The following GBE1 variants were observed in gnomAD, a reference collection of about 807,000 sequenced individuals.
GBE1 encodes 1,4-alpha-glucan branching enzyme 1.
GBE1 carries 70 observed loss-of-function variants against 88.8 expected under a neutral mutation model. The ratio of observed to expected loss-of-function variants is 0.79; its 90% CI spans 0.65 to 0.96. The LOEUF (loss-of-function observed/expected upper bound fraction) is 0.96, where lower values mean the gene tolerates loss of function less well. Ranked by LOEUF, GBE1 falls within the 40% of genes least tolerant of loss-of-function variation. GBE1 has a pLI of 0.00. For synonymous variants in GBE1, 284 were observed against 300.1 expected (o/e 0.95, Z 0.56); for missense variants, 872 against 871.0 (o/e 1.00, Z -0.01).
intron 2 of GBE1, among the ~76,000 whole-genome samples, chr3:81,697,716 G>A (rs1705621046): frequency 6.6e-6 from 1 of 152,050 alleles, no homozygotes; most frequent in Non-Finnish European, 1.5e-5. Context: ...TTCCCCCAGG[G>A]TATGAGGCAG....
intron 7 of GBE1, among the ~76,000 whole-genome samples, chr3:81,607,355 C>T (rs1437659300): frequency 6.6e-6 from 1 of 152,032 alleles, no homozygotes; most frequent in Non-Finnish European, 1.5e-5. Context: ...TCAGGACCAT[C>T]CTGGCCCACA....
chr3:81,546,056 C>T (rs1703201173), intron 12 of GBE1, among the ~76,000 whole-genome samples: 1 of 152,008 alleles, frequency 6.6e-6, no homozygotes, highest in Non-Finnish European at 1.5e-5. Context: ...TAATCTCTTA[C>T]TCTGCATAAT....
chr3:81,677,464 C>T (rs952802351), intron 2 of GBE1, among the ~76,000 whole-genome samples: 19 of 152,140 alleles, frequency 1.2e-4, no homozygotes, highest in African/African-American at 4.1e-4. Flanking sequence ...CATATGATGT[C>T]ATTTAATTAC....
chr3:81,724,128 C>A (rs1325875711), intron 1 of GBE1, among the ~76,000 whole-genome samples: 1 of 152,158 alleles, frequency 6.6e-6, no homozygotes, highest in African/African-American at 2.4e-5. Context: ...TTTTTCTCCA[C>A]AAGACTCCAT....
At chr3:81,504,971 C>T (rs1702634941) in intron 14 of GBE1, among the ~76,000 whole-genome samples, 1 of 152,138 alleles carries the variant, frequency 6.6e-6, no homozygotes, top group Admixed American at 6.6e-5. Context: ...GAAGAGTTCT[C>T]CAGTGACTAG....
At chr3:81,623,226 A>G (rs1377791155) in intron 7 of GBE1, among the ~76,000 whole-genome samples, 1 of 151,990 alleles carries the variant, frequency 6.6e-6, no homozygotes, top group Non-Finnish European at 1.5e-5. Flanking sequence ...ACCAATCTAC[A>G]TCTCCCTGGC....
intron 14 of GBE1, among the ~76,000 whole-genome samples, chr3:81,527,159 C>T (rs1576133188): frequency 6.6e-6 from 1 of 152,112 alleles, no homozygotes; most frequent in South Asian, 2.1e-4. Flanking sequence ...GGAAAACTGG[C>T]TAGCCATATG....
At chr3:81,717,273 C>CT (rs768341117) in intron 1 of GBE1, among the ~76,000 whole-genome samples, 1 of 152,164 alleles carries the variant, frequency 6.6e-6, no homozygotes, top group African/African-American at 2.4e-5. Flanking sequence ...TCAGGTTTCT[C>CT]TTTTTGGAAA....
chr3:81,520,632 T>C (rs1702859684), intron 14 of GBE1, among the ~76,000 whole-genome samples: 1 of 151,604 alleles, frequency 6.6e-6, no homozygotes, highest in Admixed American at 6.6e-5. Flanking sequence ...AGCTAAACAA[T>C]GTGAAAACTT....
intron 2 of GBE1, among the ~76,000 whole-genome samples, chr3:81,695,936 A>AG (rs929562403): frequency 6.6e-6 from 1 of 152,164 alleles, no homozygotes; most frequent in Non-Finnish European, 1.5e-5. Flanking sequence ...CCCTAATGAG[A>AG]GGGGGGTCTC....
intron 1 of GBE1, among the ~76,000 whole-genome samples, chr3:81,713,935 A>G (rs1705906030): frequency 1.3e-5 from 2 of 152,196 alleles, no homozygotes; most frequent in South Asian, 4.1e-4. Context: ...AGTCACTGAG[A>G]ATATAGAGAT....
intron 12 of GBE1, among the ~76,000 whole-genome samples, chr3:81,558,400 C>CATCTATCT (rs569502042): frequency 2.6e-5 from 4 of 151,842 alleles, no homozygotes; most frequent in African/African-American, 9.7e-5. Flanking sequence ...AAATATATAT[C>CATCTATCT]ATCTATCTAT....
chr3:81,629,001 G>A (rs1021842230), intron 7 of GBE1, among the ~76,000 whole-genome samples: 8 of 140,094 alleles, frequency 5.7e-5, no homozygotes, highest in African/African-American at 2.1e-4. Context: ...TTAATAATTA[G>A]TGACTATTAT....
At chr3:81,505,970 C>A (rs1289501235) in intron 14 of GBE1, among the ~76,000 whole-genome samples, 2 of 151,980 alleles carry the variant, frequency 1.3e-5, no homozygotes, top group Non-Finnish European at 2.9e-5. Flanking sequence ...ACTATAAAAA[C>A]CCTGAAAGAC....
intron 7 of GBE1, among the ~76,000 whole-genome samples, chr3:81,594,740 C>G (rs567306190): frequency 2.0e-5 from 3 of 151,970 alleles, no homozygotes; most frequent in Admixed American, 6.6e-5. Context: ...AGAGGGAAAA[C>G]AAAGAAACTG....
chr3:81,716,698 T>C (rs541263968), intron 1 of GBE1, among the ~76,000 whole-genome samples: 30 of 152,346 alleles, frequency 2.0e-4, no homozygotes, highest in African/African-American at 7.0e-4. Context: ...AAGCCATTAA[T>C]GTAAACATAT....
Position 81,643,013 on chromosome 3 carries a change from AAAG to A in GBE1, c.783-26_783-24del, listed in dbSNP as rs777015662. The stretch of plus-strand genomic sequence containing the variant: ...CGGCTAACAATGAAGAACACAGCAA[AAAG>A]AAGATTACATCACATTTAGAGGAAA... On this transcript the variant is annotated intron_variant, in intron 6 of 15. Transcript: ENST00000429644. The A allele has an allele frequency of 9.2e-5, 139 of 1,504,878 alleles. 1 individual carries two copies. The highest frequency in any genetic ancestry group is 1.2e-4 in the Non-Finnish European group (126 of 1,091,774). The allele number at this position is 1,504,878 out of a possible 1,614,324, so 93.2% of individuals were successfully genotyped here.
At chr3:81,501,414 A>G (rs749801391) in intron 14 of GBE1, among the ~76,000 whole-genome samples, 54 of 152,132 alleles carry the variant, frequency 3.5e-4, no homozygotes, top group Non-Finnish European at 6.9e-4. Flanking sequence ...TTTAGGTAGA[A>G]AGGAGGGGAT....
intron 1 of GBE1, among the ~76,000 whole-genome samples, chr3:81,710,568 T>C (rs1367912782): frequency 6.6e-6 from 1 of 151,984 alleles, no homozygotes; most frequent in East Asian, 1.9e-4. Context: ...TCTGAATAAA[T>C]CCCTTAATCT....
Sources: allele counts gnomAD v4.1 joint callset (sites outside exome capture counted in the v4.1 genomes callset), GRCh38; gene constraint gnomAD v4.1.1; transcripts MANE v1.5; gene names NCBI Gene and HGNC (gene_info 2026-07-23, HGNC 2026-07-21).